EGFL7: variants seen among roughly 807,000 people sequenced by gnomAD.
The protein encoded by EGFL7 is EGF like domain multiple 7, also known as epidermal growth factor-like protein 7.
In EGFL7, 48 loss-of-function variants were observed where a neutral mutation model predicts 37.1. The observed-to-expected ratio is 1.29, with a 90% CI of 1.03 to 1.65. EGFL7 has a LOEUF of 1.65. Ranked by LOEUF, EGFL7 falls within the 40% of genes most tolerant of loss-of-function variation. EGFL7 has a pLI of 0.00. For missense variants in EGFL7, 384 were observed against 378.9 expected (o/e 1.01, Z -0.11); for synonymous variants, 180 against 156.8 (o/e 1.15, Z -1.10).
At chr9:136,667,907 C>T (rs1401266851) in intron 3 of EGFL7, among the ~76,000 whole-genome samples, 1 of 152,228 alleles carries the variant, frequency 6.6e-6, no homozygotes, top group African/African-American at 2.4e-5. Context: ...CCAGGCAGGA[C>T]AGGAGAAACG....
At chr9:136,661,811 G>A (rs983621325), upstream of EGFL7, among the ~76,000 whole-genome samples, 1 of 152,224 alleles carries the variant, frequency 6.6e-6, no homozygotes, top group African/African-American at 2.4e-5. Flanking sequence ...CAGCTGAGTG[G>A]GGCTGGAGAG....
In EGFL7 at chr9:136,670,302, G is replaced by A. The variant is rs377141942; in HGVS notation, c.543G>A (p.Gly181=). 4 of 1,595,734 alleles carry A rather than the reference G, an allele frequency of 2.5e-6. No individual in the cohort carries two copies. The African/African-American group carries it at 5.4e-5, about 21-fold the overall frequency. The stretch of plus-strand genomic sequence containing the variant: ...GTACACTCTGTGTGCCCAAGGGAGG[G>A]CCCCCCAGGGTGGCCCCCAACCCGA... ...ADGTLCVPKG[G]PPRVAPNPTG... is the part of the protein sequence containing the mutation. Residue 181 remains glycine, a synonymous_variant, in exon 8 of 11, where the codon GGG becomes GGA. Transcript: ENST00000308874.
rs1320407824 is a variant in EGFL7 at position 136,668,155 on chromosome 9, G to A, written c.-42-86G>A. On this transcript the variant is annotated intron_variant, in intron 3 of 10. Coordinates refer to ENST00000308874, the MANE Select transcript of EGFL7 (RefSeq NM_016215.5). The stretch of plus-strand genomic sequence containing the variant: ...TGGAGGCTCCAGCGGAGATGAGCTG[G>A]GCAGGCCTCGCGGAGCAAGTGCAAA... 3 of 735,142 alleles carry A rather than the reference G, an allele frequency of 4.1e-6. No homozygotes were observed. The African/African-American group carries it at 5.3e-5, about 13-fold the overall frequency. 45.5% of individuals were successfully genotyped at this position (735,142 alleles called of 1,614,324 possible). A position where few individuals can be genotyped will look rare whatever the true frequency, so the allele number is the denominator to read the frequency against.
At position 136,667,307 on chromosome 9, in the gene EGFL7, C is replaced by T. The variant is rs182697022; in HGVS notation, c.-42-934C>T. ...CCCTGCGGAGGGCCCTGCAGTGCCTCGGAAGGAACCCACCCAGCCTTTGGG... is the reference window on the plus strand; with the variant it reads ...CCCTGCGGAGGGCCCTGCAGTGCCTTGGAAGGAACCCACCCAGCCTTTGGG... On this transcript the variant is annotated intron_variant, in intron 3 of 10. Transcript: ENST00000308874. Among the ~76,000 whole-genome samples, 1,143 of 152,338 alleles carry T rather than the reference C, an allele frequency of 7.5e-3. 5 individuals carry two copies. The highest frequency in any genetic ancestry group is 0.013 in the Non-Finnish European group (898 of 68,022).
At chr9:136,665,968 GGGGCCGGGGGCGGAGC>G (rs1314242233) in intron 3 of EGFL7, among the ~76,000 whole-genome samples, 1 of 146,116 alleles carries the variant, frequency 6.8e-6, no homozygotes, top group African/African-American at 2.5e-5. Flanking sequence ...CGCGACCGCT[GGGGCCGGGGGCGGAGC>G]GGGCCGGGGC....
rs1261452767 is a variant in EGFL7, at chr9:136,670,163, C to T, written c.410-6C>T. 6.2e-7 allele frequency: 1 copy of T among 1,612,742 alleles called. No homozygotes were observed. The highest frequency in any genetic ancestry group is 1.1e-5 in the South Asian group (1 of 91,088). ...GCATGGCCGCCTGACACCCCGTTTCCTGCAGATGTGGATGAATGCAGTGCT... is the reference window on the plus strand; with the variant it reads ...GCATGGCCGCCTGACACCCCGTTTCTTGCAGATGTGGATGAATGCAGTGCT... On this transcript the variant is annotated splice_polypyrimidine_tract_variant and splice_region_variant and intron_variant, in intron 7 of 10. Transcript: ENST00000308874.
upstream of EGFL7, among the ~76,000 whole-genome samples, chr9:136,661,917 G>A (rs568654774): frequency 2.2e-4 from 33 of 152,320 alleles, no homozygotes; most frequent in African/African-American, 6.0e-4. Flanking sequence ...CACACCCCAC[G>A]GACAGCGGGG....
chr9:136,669,884 G>T, intron 6 of EGFL7, 30 bp from the exon 7 acceptor site: 2 of 1,552,400 alleles, frequency 1.3e-6, no homozygotes, highest in South Asian at 2.4e-5. Flanking sequence ...GGACCCAACT[G>T]AGCTGGTGAC....
chr9:136,665,100 A>G (rs1845377420), intron 3 of EGFL7, among the ~76,000 whole-genome samples: 3 of 152,100 alleles, frequency 2.0e-5, no homozygotes, highest in Non-Finnish European at 4.4e-5. Flanking sequence ...CGCTGGGAGG[A>G]GTGTTCTGCG....
At chr9:136,670,053 C>A in intron 7 of EGFL7, 44 bp downstream of exon 7, 2 of 1,589,152 alleles carry the variant, frequency 1.3e-6, no homozygotes, top group Non-Finnish European at 1.7e-6. Context: ...GGGTCCTGGG[C>A]ACCTCCTTGC....
Position 136,669,916 on chromosome 9 carries a change from A to G in EGFL7, c.316A>G (p.Ile106Val), listed in dbSNP as rs201278265. Reference sequence around the variant, plus strand: ...TGACCAGCCTCCCCCGCCCACAGCAATATGCCAGCCGCCATGCCGGAACGG... The same window carrying G: ...TGACCAGCCTCCCCCGCCCACAGCAGTATGCCAGCCGCCATGCCGGAACGG... ...SGLPGACGAAICQPPCRNGGS... is the reference protein window; with the variant it reads ...SGLPGACGAAVCQPPCRNGGS... The change falls in exon 7 of 11, where the codon ATA (isoleucine) becomes GTA (valine). Residue 106 changes from isoleucine to valine, a missense_variant and splice_region_variant. Coordinates refer to ENST00000308874, the MANE Select transcript of EGFL7 (RefSeq NM_016215.5). 153 of 1,591,524 alleles carry G rather than the reference A, an allele frequency of 9.6e-5. No homozygotes were observed. The highest frequency in any genetic ancestry group is 1.3e-4 in the Non-Finnish European group (147 of 1,169,990).
intron 10 of EGFL7, 53 bp from the exon 11 acceptor site, chr9:136,672,211 C>T (rs570855403): frequency 3.8e-5 from 61 of 1,612,538 alleles, no homozygotes; most frequent in Admixed American, 6.7e-5. Flanking sequence ...TCTAGCTGGG[C>T]GGGGAGGCTG....
chr9:136,671,568 C>T (rs117729430), intron 9 of EGFL7, among the ~76,000 whole-genome samples: 14,173 of 151,338 alleles, frequency 0.094, 852 homozygotes, highest in South Asian at 0.17. Context: ...AGCTTGACAG[C>T]CCCCCAGACA....
chr9:136,662,133 T>G (rs554271881), upstream of EGFL7, among the ~76,000 whole-genome samples: 37 of 152,222 alleles, frequency 2.4e-4, no homozygotes, highest in East Asian at 6.2e-3. Flanking sequence ...CCCCCTGTGA[T>G]CACCCACAGT....
chr9:136,668,507 T>A (rs765213699), intron 4 of EGFL7, 50 bp from the exon 5 acceptor site: 1 of 1,581,846 alleles, frequency 6.3e-7, no homozygotes, highest in Non-Finnish European at 8.6e-7. Context: ...CCCATCATTC[T>A]TGGGTCCTGC....
In EGFL7 at chr9:136,672,050, G is replaced by A. The variant is rs1170572082; in HGVS notation, c.761G>A (p.Ser254Asn). Residue 254 changes from serine to asparagine, a missense_variant, in exon 10 of 11, where the codon AGC becomes AAC. By Grantham distance (46) the Ser-to-Asn change is conservative. Transcript: ENST00000308874. ...CAGCTCGGCCGCATCGACTCCCTGAGCGAGCAGATTTCCTTCCTGGAGGAG... is the reference window on the plus strand; with the variant it reads ...CAGCTCGGCCGCATCGACTCCCTGAACGAGCAGATTTCCTTCCTGGAGGAG... ...FQQLGRIDSL[S>N]EQISFLEEQL... is the part of the protein sequence containing the mutation. 2 of 1,546,064 alleles carry A rather than the reference G, an allele frequency of 1.3e-6. No homozygotes were observed. The highest frequency in any genetic ancestry group is 1.4e-5 in the African/African-American group (1 of 73,102).
In EGFL7 at chr9:136,666,105, G is replaced by C. The variant is rs974431448; in HGVS notation, c.-43+1320G>C. On this transcript the variant is annotated intron_variant, in intron 3 of 10. Coordinates refer to ENST00000308874, the MANE Select transcript of EGFL7 (RefSeq NM_016215.5). This position sits in a 1 kb window ranked among gnomAD's most constrained non-coding sequence, Gnocchi z 6.8. ...CGGCGCGGCGGGGAGGGCCGGGGTC[G>C]CCGCGGCCCCTCGTCCGACCCGGCG... Among the ~76,000 whole-genome samples, 1 of 147,258 alleles carries C rather than the reference G, an allele frequency of 6.8e-6. No homozygotes were observed. The highest frequency in any genetic ancestry group is 2.4e-5 in the African/African-American group (1 of 40,904).
At position 136,672,419 on chromosome 9, in the gene EGFL7, TTCC is replaced by T. The variant is rs1845982015; in HGVS notation, c.*140_*142del. 3 of 1,073,484 alleles carry T rather than the reference TTCC, an allele frequency of 2.8e-6. No individual in the cohort carries two copies. The highest frequency in any genetic ancestry group is 1.6e-5 in the African/African-American group (1 of 63,482). 66.5% of individuals were successfully genotyped at this position (1,073,484 alleles called of 1,614,324 possible). ...AAGGCCAGGCAGGGCCTTCCTCCTC[TTCC>T]TCCTCCCCTTCCTCGGGAGGCTCCC... On this transcript the variant is annotated 3_prime_UTR_variant, in exon 11 of 11. Coordinates refer to ENST00000308874, the MANE Select transcript of EGFL7 (RefSeq NM_016215.5).
chr9:136,668,841 A>G (rs1414392070), intron 5 of EGFL7, among the ~76,000 whole-genome samples, 168 bp downstream of exon 5: 1 of 152,084 alleles, frequency 6.6e-6, no homozygotes, highest in East Asian at 1.9e-4. Flanking sequence ...GGCCGGAGCC[A>G]AGGGGTTCCA....
Sources: allele counts gnomAD v4.1 joint callset (sites outside exome capture counted in the v4.1 genomes callset), GRCh38; gene constraint gnomAD v4.1.1; non-coding constraint Gnocchi (gnomAD v3.1); transcripts MANE v1.5; gene names NCBI Gene and HGNC (gene_info 2026-07-23, HGNC 2026-07-21).